Variants in CTNNA3 observed in about 807,000 individuals in gnomAD.
CTNNA3 encodes the protein catenin alpha 3.
CTNNA3 carries 76 observed loss-of-function variants against 95.7 expected under a neutral mutation model. That is an observed-to-expected ratio of 0.79 (90% CI 0.66 to 0.96). The LOEUF is 0.96. Ranked by LOEUF, CTNNA3 falls within the 40% of genes least tolerant of loss-of-function variation. CTNNA3 has a pLI of 0.00. For missense variants in CTNNA3, 1,191 were observed against 1,089.8 expected, an observed-to-expected ratio of 1.09 and a Z score of -1.31; for synonymous variants, 431 against 374.4, an observed-to-expected ratio of 1.15 and a Z score of -1.74.
intron 2 of CTNNA3, among the ~76,000 whole-genome samples, chr10:67,617,448 T>A (rs2133402149): frequency 6.6e-6 from 1 of 152,326 alleles, no homozygotes; most frequent in Non-Finnish European, 1.5e-5. Context: ...TTTTTTTTAA[T>A]GACAGCATAG....
intron 9 of CTNNA3, among the ~76,000 whole-genome samples, chr10:66,697,321 T>C (rs1415992557): frequency 6.6e-6 from 1 of 150,790 alleles, no homozygotes; most frequent in Non-Finnish European, 1.5e-5. Flanking sequence ...CAAATGGAGA[T>C]TTGGGGAAAT....
At chr10:67,456,213 A>G (rs573455852) in intron 5 of CTNNA3, among the ~76,000 whole-genome samples, 5 of 152,326 alleles carry the variant, frequency 3.3e-5, no homozygotes, top group Non-Finnish European at 7.4e-5. Flanking sequence ...ATACAGGAAG[A>G]TAAAATGTAC....
intron 5 of CTNNA3, among the ~76,000 whole-genome samples, chr10:67,284,033 C>A (rs1839499954): frequency 6.6e-6 from 1 of 152,128 alleles, no homozygotes; most frequent in African/African-American, 2.4e-5. Flanking sequence ...TTTCAGCAAA[C>A]CTTCAGAGGG....
At chr10:67,331,882 C>T (rs952034328) in intron 5 of CTNNA3, among the ~76,000 whole-genome samples, 3 of 152,096 alleles carry the variant, frequency 2.0e-5, no homozygotes, top group African/African-American at 7.2e-5. Context: ...ATCTTTACTC[C>T]TGAATCTGAG....
chr10:67,005,092 T>C (rs1210653701), intron 7 of CTNNA3, among the ~76,000 whole-genome samples: 1 of 152,214 alleles, frequency 6.6e-6, no homozygotes, highest in Non-Finnish European at 1.5e-5. Context: ...CCTTTTCCTA[T>C]GGATTATTTT....
rs1011934337 is a variant in CTNNA3, at chr10:66,090,478, A to G, written c.1977+12679T>C. ...ATTCCTTATAAATATTAACTCCTAGAAGCCTCACAATAACCCTATGATGTA... is the reference window on the plus strand; with the variant it reads ...ATTCCTTATAAATATTAACTCCTAGGAGCCTCACAATAACCCTATGATGTA... On this transcript the variant is annotated intron_variant, in intron 14 of 17. Transcript: ENST00000433211. 3.9e-5 allele frequency among the ~76,000 whole-genome samples: 6 copies of G among 152,038 alleles called. No homozygotes were observed. The East Asian group carries it at 9.6e-4, about 24-fold the overall frequency.
At chr10:66,310,508 G>A (rs1188170207) in intron 12 of CTNNA3, among the ~76,000 whole-genome samples, 1 of 152,056 alleles carries the variant, frequency 6.6e-6, no homozygotes, top group Non-Finnish European at 1.5e-5. Context: ...TCCATCAAGT[G>A]TGTCTTTAAA....
intron 11 of CTNNA3, among the ~76,000 whole-genome samples, chr10:66,390,664 C>T (rs1238350402): frequency 6.6e-6 from 1 of 152,072 alleles, no homozygotes; most frequent in Admixed American, 6.6e-5. Context: ...TTTTCTTTCC[C>T]ATTTACCCAA....
At chr10:66,047,396 A>C (rs2079851253) in intron 15 of CTNNA3, among the ~76,000 whole-genome samples, 1 of 152,248 alleles carries the variant, frequency 6.6e-6, no homozygotes, top group South Asian at 2.1e-4. Flanking sequence ...ATATCTCAAT[A>C]GATGAAGAAA....
intron 11 of CTNNA3, among the ~76,000 whole-genome samples, chr10:66,429,036 A>T (rs1306704346): frequency 6.6e-6 from 1 of 152,096 alleles, no homozygotes; most frequent in Non-Finnish European, 1.5e-5. Context: ...AAGAGAGAAG[A>T]ATCAAATAGA....
At chr10:66,497,252 T>G (rs1041634534) in intron 11 of CTNNA3, among the ~76,000 whole-genome samples, 3 of 151,912 alleles carry the variant, frequency 2.0e-5, no homozygotes, top group African/African-American at 7.2e-5. Context: ...ATAACTATCA[T>G]AGAAGGCAGA....
chr10:67,390,941 C>A (rs1844445103), intron 5 of CTNNA3, among the ~76,000 whole-genome samples: 1 of 151,958 alleles, frequency 6.6e-6, no homozygotes. Context: ...AAACCCACAG[C>A]CAATATCATA....
intron 5 of CTNNA3, among the ~76,000 whole-genome samples, chr10:67,442,791 CT>C (rs1477921597): frequency 4.0e-5 from 6 of 150,794 alleles, no homozygotes; most frequent in East Asian, 3.9e-4. Context: ...ACCCTACTTT[CT>C]TTTTTTTTAA....
chr10:66,519,634 C>T (rs1028270032), intron 11 of CTNNA3, among the ~76,000 whole-genome samples: 3 of 152,162 alleles, frequency 2.0e-5, no homozygotes, highest in African/African-American at 7.2e-5. Flanking sequence ...CTACCTATGA[C>T]CTGGAAGCCC....
chr10:66,412,832 G>GA (rs59044371), intron 11 of CTNNA3, among the ~76,000 whole-genome samples: 19,516 of 149,330 alleles, frequency 0.13, 1,555 homozygotes, highest in African/African-American at 0.23. Flanking sequence ...GGTAAAACTT[G>GA]AAAAAAAAAT....
intron 11 of CTNNA3, among the ~76,000 whole-genome samples, chr10:66,513,493 A>G (rs1840733321): frequency 6.6e-6 from 1 of 152,184 alleles, no homozygotes; most frequent in South Asian, 2.1e-4. Flanking sequence ...GGGAGTGCAC[A>G]CGCACCTCTG....
intron 7 of CTNNA3, among the ~76,000 whole-genome samples, chr10:66,823,725 C>G (rs894567478): frequency 6.6e-6 from 1 of 152,170 alleles, no homozygotes; most frequent in Non-Finnish European, 1.5e-5. Context: ...ACTTTATATG[C>G]TTTATCCCAA....
chr10:66,950,774 A>G (rs1848498127), intron 7 of CTNNA3, among the ~76,000 whole-genome samples: 1 of 152,174 alleles, frequency 6.6e-6, no homozygotes, highest in Non-Finnish European at 1.5e-5. Flanking sequence ...ACAAAAACAA[A>G]AAAGCATGAG....
intron 16 of CTNNA3, among the ~76,000 whole-genome samples, chr10:65,988,056 A>G (rs902009530): frequency 1.3e-5 from 2 of 152,150 alleles, no homozygotes; most frequent in African/African-American, 4.8e-5. Context: ...GAAGATAAAA[A>G]TAAGTTGGTT....
Sources: allele counts gnomAD v4.1 joint callset (sites outside exome capture counted in the v4.1 genomes callset), GRCh38; gene constraint gnomAD v4.1.1; transcripts MANE v1.5; gene names NCBI Gene and HGNC (gene_info 2026-07-23, HGNC 2026-07-21).